RBFOX2: variants seen among roughly 807,000 people sequenced by gnomAD.
RBFOX2 encodes the protein RNA binding fox-1 homolog 2.
In RBFOX2, 10 loss-of-function variants were observed where a neutral mutation model predicts 49.1. That is an observed-to-expected ratio of 0.20 (90% CI 0.13 to 0.35). RBFOX2 has a LOEUF of 0.35. Among genes scored for constraint, RBFOX2 ranks in the 10% least tolerant of loss-of-function variants. RBFOX2 has a pLI of 1.00. For missense variants in RBFOX2, 323 were observed against 486.9 expected, an observed-to-expected ratio of 0.66 and a Z score of 3.17; for synonymous variants, 183 against 187.4, an observed-to-expected ratio of 0.98 and a Z score of 0.19.
At chr22:35,887,866 T>G (rs2046783558) in intron 1 of RBFOX2, among the ~76,000 whole-genome samples, 1 of 152,206 alleles carries the variant, frequency 6.6e-6, no homozygotes, top group South Asian at 2.1e-4. Flanking sequence ...ATTTCAAGTA[T>G]TCTATTATCA....
intron 1 of RBFOX2, among the ~76,000 whole-genome samples, chr22:35,825,334 G>A (rs1955427098): frequency 6.6e-6 from 1 of 151,960 alleles, no homozygotes; most frequent in Non-Finnish European, 1.5e-5. Flanking sequence ...GGCCAAAGGT[G>A]GGTTACAGAG....
chr22:35,968,932 C>T (rs540197715), intron 1 of RBFOX2, among the ~76,000 whole-genome samples: 1 of 152,214 alleles, frequency 6.6e-6, no homozygotes, highest in African/African-American at 2.4e-5. Flanking sequence ...CTGTCTCCAC[C>T]GGCAATCTAT....
intron 1 of RBFOX2, among the ~76,000 whole-genome samples, chr22:35,905,675 A>G (rs1272202776): frequency 6.6e-6 from 1 of 152,218 alleles, no homozygotes; most frequent in Admixed American, 6.5e-5. Context: ...TAAGTAAGAC[A>G]TGACTCTCCT....
At chr22:35,976,147 G>A (rs2150034846) in intron 1 of RBFOX2, among the ~76,000 whole-genome samples, 1 of 152,170 alleles carries the variant, frequency 6.6e-6, no homozygotes, top group African/African-American at 2.4e-5. Flanking sequence ...CAAATGAAAA[G>A]GCTGAACAAC....
upstream of RBFOX2, chr22:35,961,691 T>G: frequency 7.7e-7 from 1 of 1,302,420 alleles, no homozygotes; most frequent in Non-Finnish European, 1.0e-6. Context: ...CACCTCCTCC[T>G]GCTTCCCTAT....
intron 1 of RBFOX2, among the ~76,000 whole-genome samples, chr22:36,027,627 T>A (rs1395124749): frequency 6.6e-6 from 1 of 152,186 alleles, no homozygotes; most frequent in African/African-American, 2.4e-5. Context: ...TTCAGACTCA[T>A]TAGTATGCTC....
At chr22:35,856,791 G>C (rs2042563590) in intron 1 of RBFOX2, among the ~76,000 whole-genome samples, 1 of 152,126 alleles carries the variant, frequency 6.6e-6, no homozygotes, top group Non-Finnish European at 1.5e-5. Context: ...CTAGCACTTT[G>C]GGAGGCTGAG....
At chr22:35,802,370 G>A (rs927100838) in intron 2 of RBFOX2, among the ~76,000 whole-genome samples, 3 of 152,144 alleles carry the variant, frequency 2.0e-5, no homozygotes, top group African/African-American at 7.2e-5. Context: ...TTCCTCAAAA[G>A]GAAATGACAG....
chr22:35,952,289 T>C lies in RBFOX2; in HGVS notation c.42+9274A>G, dbSNP rs528607614. ...TTTTTTCTTTGCTGACATTGCTTTATAGCCTTTTACTAGTATAAAGCATAG... is the reference window on the plus strand; with the variant it reads ...TTTTTTCTTTGCTGACATTGCTTTACAGCCTTTTACTAGTATAAAGCATAG... On this transcript the variant is annotated intron_variant, in intron 1 of 5. Coordinates refer to the RBFOX2 transcript ENST00000408983. 2.6e-5 allele frequency among the ~76,000 whole-genome samples: 4 copies of C among 152,346 alleles called. No individual in the cohort carries two copies. In the South Asian group the frequency reaches 6.2e-4, roughly 24 times the overall value.
intron 2 of RBFOX2, among the ~76,000 whole-genome samples, chr22:35,786,595 C>T (rs1232819271): frequency 6.6e-6 from 1 of 152,194 alleles, no homozygotes; most frequent in South Asian, 2.1e-4. Flanking sequence ...TGACTTCTAA[C>T]TCTAGGCCTC....
At chr22:35,786,266 G>C (rs1946366470) in intron 2 of RBFOX2, among the ~76,000 whole-genome samples, 1 of 152,102 alleles carries the variant, frequency 6.6e-6, no homozygotes, top group Non-Finnish European at 1.5e-5. Context: ...AAGCAAGACT[G>C]GTTAATTTTG....
intron 1 of RBFOX2, among the ~76,000 whole-genome samples, chr22:35,920,842 C>A (rs1400301501): frequency 6.6e-6 from 1 of 152,138 alleles, no homozygotes; most frequent in East Asian, 1.9e-4. Flanking sequence ...TGATTGACAT[C>A]TGGTAAGGAA....
At chr22:36,007,517 T>G (rs1603465581) in intron 1 of RBFOX2, among the ~76,000 whole-genome samples, 2 of 152,340 alleles carry the variant, frequency 1.3e-5, no homozygotes, top group East Asian at 1.9e-4. Flanking sequence ...TGTGTAATTT[T>G]AATACATTAT....
At chr22:36,015,471 T>A (rs1311018375) in intron 1 of RBFOX2, among the ~76,000 whole-genome samples, 1 of 152,232 alleles carries the variant, frequency 6.6e-6, no homozygotes, top group Non-Finnish European at 1.5e-5. Context: ...TGCCAGCCAC[T>A]AACAGTAACC....
chr22:35,756,642 C>T (rs1569255056), intron 9 of RBFOX2, among the ~76,000 whole-genome samples: 2 of 152,052 alleles, frequency 1.3e-5, no homozygotes, highest in African/African-American at 2.4e-5. Flanking sequence ...TTTTACATTA[C>T]GTTTAAGTAT....
At chr22:35,821,845 G>A (rs1354772329) in intron 1 of RBFOX2, 11 of 518,838 alleles carry the variant, frequency 2.1e-5, no homozygotes, top group Admixed American at 1.9e-4. Context: ...GCCGCTGAAG[G>A]AAGGGGTCAA....
At chr22:35,746,876 T>C (rs1390040204) in intron 9 of RBFOX2, 1 of 243,262 alleles carries the variant, frequency 4.1e-6, no homozygotes, top group Non-Finnish European at 7.8e-6. Context: ...TCACAGTCTT[T>C]GTTGGAACTT....
At chr22:36,020,619 T>C (rs557341724) in intron 1 of RBFOX2, among the ~76,000 whole-genome samples, 1 of 152,156 alleles carries the variant, frequency 6.6e-6, no homozygotes, top group African/African-American at 2.4e-5. Flanking sequence ...AAAAGAAATT[T>C]ACGCAGCCAA....
chr22:35,793,407 C>A lies in RBFOX2; in HGVS notation c.253-11661G>T, dbSNP rs538250642. 1.8e-3 allele frequency among the ~76,000 whole-genome samples: 275 copies of A among 152,204 alleles called. 2 individuals are homozygous for A. The highest frequency in any genetic ancestry group is 6.5e-3 in the African/African-American group (269 of 41,548). ...ATAAATCAATGAATAAAAATGTTTA[C>A]GATGGAGTTCCTGATGGGTTAAAAC... is the stretch of plus-strand genomic sequence containing the variant. On this transcript the variant is annotated intron_variant, in intron 2 of 11. Coordinates refer to ENST00000405409, the Ensembl canonical transcript of RBFOX2.
Sources: allele counts gnomAD v4.1 joint callset (sites outside exome capture counted in the v4.1 genomes callset), GRCh38; gene constraint gnomAD v4.1.1; transcripts MANE v1.5; gene names NCBI Gene and HGNC (gene_info 2026-07-23, HGNC 2026-07-21).